Variants in RBM19 observed in about 807,000 individuals in gnomAD.
RBM19 encodes probable RNA-binding protein 19.
In RBM19, 94 loss-of-function variants were observed where a neutral mutation model predicts 116.8. The ratio of observed to expected loss-of-function variants is 0.80; its 90% CI spans 0.68 to 0.95. The LOEUF (loss-of-function observed/expected upper bound fraction) is 0.95. RBM19 is among the 40% of genes least tolerant of loss of function. RBM19 has a pLI of 0.00. For synonymous variants in RBM19, 475 were observed against 494.1 expected (o/e 0.96, Z 0.51); for missense variants, 1,161 against 1,220.7 (o/e 0.95, Z 0.73).
At chr12:113,840,340 G>A (rs1876353932) in intron 23 of RBM19, among the ~76,000 whole-genome samples, 1 of 152,212 alleles carries the variant, frequency 6.6e-6, no homozygotes, top group African/African-American at 2.4e-5. Context: ...ACTCTGCTGT[G>A]CTTGGCCCTG....
intron 21 of RBM19, among the ~76,000 whole-genome samples, chr12:113,866,075 T>C (rs1878787743): frequency 6.6e-6 from 1 of 152,180 alleles, no homozygotes; most frequent in Admixed American, 6.5e-5. Context: ...AAGCCTGCTC[T>C]GACAAGAGGC....
chr12:113,940,198 G>A (rs1030957143), intron 14 of RBM19, 38 bp from the exon 15 acceptor site: 4 of 1,584,092 alleles, frequency 2.5e-6, no homozygotes, highest in African/African-American at 1.3e-5. Flanking sequence ...GACCACAGGA[G>A]GGAGGAGGGT....
intron 21 of RBM19, among the ~76,000 whole-genome samples, chr12:113,869,368 T>C (rs889690330): frequency 2.6e-4 from 40 of 152,146 alleles, no homozygotes; most frequent in African/African-American, 9.4e-4. Context: ...TGCCATCCCT[T>C]GGGCAGGGCA....
chr12:113,922,615 T>C (rs1868684760), intron 18 of RBM19, among the ~76,000 whole-genome samples: 1 of 124,786 alleles, frequency 8.0e-6, no homozygotes, highest in African/African-American at 3.0e-5. Flanking sequence ...CAGCAATAAC[T>C]TTTTTTTTTT....
intron 2 of RBM19, among the ~76,000 whole-genome samples, chr12:113,960,503 C>T (rs1245774345): frequency 6.6e-6 from 1 of 152,204 alleles, no homozygotes; most frequent in Non-Finnish European, 1.5e-5. Flanking sequence ...ACAGCTATGA[C>T]TTTCTACAAT....
intron 21 of RBM19, among the ~76,000 whole-genome samples, chr12:113,891,633 G>A (rs996027949): frequency 1.3e-5 from 2 of 152,164 alleles, no homozygotes; most frequent in Admixed American, 6.5e-5. Flanking sequence ...ATCCATCCAG[G>A]AGGCTTAGAG....
chr12:113,858,740 G>GTAC (rs567881786), intron 22 of RBM19, 51 bp downstream of exon 22: 1 of 1,547,446 alleles, frequency 6.5e-7, no homozygotes, highest in South Asian at 1.1e-5. Flanking sequence ...CCTACAATGG[G>GTAC]TACTGGAAAG....
At chr12:113,863,290 C>G (rs1593500614) in intron 21 of RBM19, among the ~76,000 whole-genome samples, 1 of 152,072 alleles carries the variant, frequency 6.6e-6, no homozygotes, top group Middle Eastern at 3.4e-3. Context: ...AATTGCGTGC[C>G]CCCTGACTGG....
Position 113,924,737 on chromosome 12 carries a change from TGTC to T in RBM19, c.2262_2264del (p.Thr755del). 6.4e-7 allele frequency: 1 copy of T among 1,552,388 alleles called. No homozygotes were observed. ...TCTTGGAGATGGAGCAGCTCTTCAC[TGTC>T]CCCACTTTTGAAAACACCTGGATAA... On this transcript the variant is annotated inframe_deletion, in exon 18 of 24. Coordinates refer to ENST00000261741, the MANE Select transcript of RBM19 (RefSeq NM_016196.4).
intron 21 of RBM19, among the ~76,000 whole-genome samples, chr12:113,873,102 A>AG (rs1593515795): frequency 1.7e-5 from 2 of 118,924 alleles, no homozygotes; most frequent in East Asian, 5.3e-4. Flanking sequence ...CCGGGAGGTG[A>AG]GGGGCGCCTC....
At chr12:113,835,119 C>T (rs771916909) in intron 23 of RBM19, among the ~76,000 whole-genome samples, 4 of 152,174 alleles carry the variant, frequency 2.6e-5, no homozygotes, top group Non-Finnish European at 5.9e-5. Context: ...AAGTGTGGGG[C>T]TTGGAGCACA....
rs200271153 is a variant in RBM19, at chr12:113,851,501, G to A, written c.2665-6713C>T. 2.6e-4 allele frequency among the ~76,000 whole-genome samples: 40 copies of A among 152,302 alleles called. No homozygotes were observed. In the East Asian group the frequency reaches 6.0e-3, roughly 23 times the overall value. On this transcript the variant is annotated intron_variant, in intron 22 of 23. Transcript: ENST00000261741. ...CAAGGGCACCAAGCCACAAGGCCAC[G>A]GGCAGCACGGACAGCTGAGGCTCTG...
chr12:113,927,903 A>G (rs1462901792), intron 16 of RBM19, among the ~76,000 whole-genome samples: 1 of 152,266 alleles, frequency 6.6e-6, no homozygotes, highest in Non-Finnish European at 1.5e-5. Context: ...AAAGCTGGAA[A>G]AATATGTAGT....
chr12:113,857,612 A>C (rs1878006987), intron 22 of RBM19, among the ~76,000 whole-genome samples: 1 of 152,254 alleles, frequency 6.6e-6, no homozygotes, highest in Non-Finnish European at 1.5e-5. Flanking sequence ...GCTGCCAGCC[A>C]GGAGGAGAGA....
chr12:113,871,694 T>C (rs948128379), intron 21 of RBM19, among the ~76,000 whole-genome samples: 1 of 152,206 alleles, frequency 6.6e-6, no homozygotes, highest in Non-Finnish European at 1.5e-5. Context: ...CTGGGGCTAT[T>C]TAGGACAGGG....
intron 21 of RBM19, among the ~76,000 whole-genome samples, chr12:113,904,822 A>C (rs927071921): frequency 6.6e-6 from 1 of 152,198 alleles, no homozygotes; most frequent in African/African-American, 2.4e-5. Flanking sequence ...TGCACATTCC[A>C]CCAAGATGGC....
At chr12:113,849,918 T>C (rs1160668300) in intron 22 of RBM19, among the ~76,000 whole-genome samples, 1 of 152,086 alleles carries the variant, frequency 6.6e-6, no homozygotes, top group Admixed American at 6.5e-5. Flanking sequence ...AGCAAATGGG[T>C]GGCACTTCTG....
chr12:113,942,645 T>C (rs1344867290), intron 13 of RBM19, among the ~76,000 whole-genome samples: 1 of 150,694 alleles, frequency 6.6e-6, no homozygotes, highest in Non-Finnish European at 1.5e-5. Context: ...CTGTCATATC[T>C]GTCCCCCAGG....
chr12:113,958,518 T>A (rs1872179233), intron 5 of RBM19, among the ~76,000 whole-genome samples: 1 of 152,142 alleles, frequency 6.6e-6, no homozygotes, highest in Admixed American at 6.5e-5. Flanking sequence ...TTCCTCTGTG[T>A]CTCTGCGATG....
Sources: gnomAD v4.1 joint callset for allele counts (sites outside exome capture counted in the v4.1 genomes callset) on GRCh38, gnomAD v4.1.1 for gene constraint, MANE v1.5 for transcripts, NCBI Gene and HGNC (gene_info 2026-07-23, HGNC 2026-07-21) for gene names.